PRORP: variants seen among roughly 807,000 people sequenced by gnomAD.
The protein encoded by PRORP is protein only RNase P catalytic subunit.
Under a neutral mutation model 59.4 loss-of-function variants are expected in PRORP, and 51 were observed. The ratio of observed to expected loss-of-function variants is 0.86; its 90% CI spans 0.69 to 1.08. The LOEUF (loss-of-function observed/expected upper bound fraction) is 1.08. PRORP is among the 50% of genes least tolerant of loss of function. PRORP has a pLI of 0.00. For missense variants in PRORP, 646 were observed against 690.3 expected (o/e 0.94, Z 0.72); for synonymous variants, 231 against 245.6 (o/e 0.94, Z 0.55).
intron 5 of PRORP, among the ~76,000 whole-genome samples, chr14:35,197,235 TG>T (rs1196415247): frequency 6.6e-5 from 10 of 152,194 alleles, no homozygotes; most frequent in African/African-American, 2.4e-4. Flanking sequence ...GAGTCATTAT[TG>T]TGTATATCTT....
intron 5 of PRORP, among the ~76,000 whole-genome samples, chr14:35,261,316 A>G (rs1303262776): frequency 6.6e-6 from 1 of 152,140 alleles, no homozygotes; most frequent in African/African-American, 2.4e-5. Context: ...ATAATGTCCA[A>G]GGTTTTTAGT....
Position 35,273,415 on chromosome 14 carries a change from T to G in PRORP, c.1621-20T>G. 6.3e-7 allele frequency: 1 copy of G among 1,594,350 alleles called. No individual in the cohort carries two copies. On this transcript the variant is annotated intron_variant, in intron 7 of 7. Coordinates refer to ENST00000534898, the MANE Select transcript of PRORP (RefSeq NM_014672.4). The stretch of plus-strand genomic sequence containing the variant: ...CTTTAGTGTTGTTCTCAATGTTTTG[T>G]TCTCTTTTTAATTCAACAGCGTATT...
intron 5 of PRORP, among the ~76,000 whole-genome samples, chr14:35,195,732 A>G (rs2048992709): frequency 6.6e-6 from 1 of 152,106 alleles, no homozygotes; most frequent in South Asian, 2.1e-4. Context: ...AGGTCTTTTA[A>G]TGATTCTTAG....
chr14:35,142,060 G>C (rs1296436584), intron 4 of PRORP, among the ~76,000 whole-genome samples: 2 of 144,904 alleles, frequency 1.4e-5, no homozygotes, highest in South Asian at 4.5e-4. Context: ...TGTATTTTTA[G>C]TGGAGACAGG....
chr14:35,174,704 A>G (rs1267722563), intron 4 of PRORP, among the ~76,000 whole-genome samples: 1 of 151,556 alleles, frequency 6.6e-6, no homozygotes, highest in Non-Finnish European at 1.5e-5. Flanking sequence ...CTTGGCCTAC[A>G]GAACAGGACT....
At chr14:35,269,995 C>T (rs569718835) in intron 6 of PRORP, among the ~76,000 whole-genome samples, 1 of 152,296 alleles carries the variant, frequency 6.6e-6, no homozygotes, top group South Asian at 2.1e-4. Flanking sequence ...GCAAGAAAGT[C>T]TCATCCTGCC....
chr14:35,235,297 G>A, intron 5 of PRORP: 1 of 689,534 alleles, frequency 1.5e-6, no homozygotes, highest in Non-Finnish European at 2.7e-6. Context: ...ATCTGTCATT[G>A]TAATTGGTCC....
intron 4 of PRORP, among the ~76,000 whole-genome samples, chr14:35,135,992 A>G (rs368319424): frequency 1.3e-5 from 2 of 151,600 alleles, no homozygotes; most frequent in African/African-American, 4.8e-5. Flanking sequence ...AAGCAAAAGT[A>G]TGATATGTAT....
At chr14:35,215,270 G>A (rs1345403170) in intron 5 of PRORP, among the ~76,000 whole-genome samples, 1 of 152,054 alleles carries the variant, frequency 6.6e-6, no homozygotes, top group African/African-American at 2.4e-5. Context: ...GGGTGCTGTG[G>A]TATTTCTCAG....
At chr14:35,121,959 T>C (rs1409631200), upstream of PRORP, 18 of 1,614,172 alleles carry the variant, frequency 1.1e-5, no homozygotes, top group South Asian at 3.3e-5. Flanking sequence ...TTCCAGTCCA[T>C]GGCCGACTTC....
chr14:35,146,490 C>CT (rs922620204), intron 4 of PRORP, among the ~76,000 whole-genome samples: 6 of 152,036 alleles, frequency 3.9e-5, no homozygotes, highest in Admixed American at 6.5e-5. Context: ...GAACTGAGCT[C>CT]TTTATCACAG....
intron 4 of PRORP, among the ~76,000 whole-genome samples, chr14:35,166,387 G>A (rs1403399894): frequency 6.6e-6 from 1 of 151,406 alleles, no homozygotes; most frequent in Non-Finnish European, 1.5e-5. Context: ...TCTTCTTTGA[G>A]GGATCCAGGC....
intron 5 of PRORP, among the ~76,000 whole-genome samples, chr14:35,216,654 A>G (rs1350479884): frequency 6.6e-6 from 1 of 152,124 alleles, no homozygotes; most frequent in Non-Finnish European, 1.5e-5. Context: ...TCTCTTTAGT[A>G]TATATGTAGG....
In PRORP at chr14:35,153,145, C is replaced by T. The variant is rs185173913; in HGVS notation, c.1167+25534C>T. ...AGACTCCGTCTCAATCCCGGCACCT[C>T]GGGAGGCCGAGGCTGGCGGATCACT... On this transcript the variant is annotated intron_variant, in intron 4 of 7. Coordinates refer to ENST00000534898, the MANE Select transcript of PRORP (RefSeq NM_014672.4). Among the ~76,000 whole-genome samples the T allele has an allele frequency of 3.6e-3, 547 of 152,358 alleles. 3 individuals are homozygous for T. The highest frequency in any genetic ancestry group is 3.4e-3 in the Non-Finnish European group (228 of 68,030).
intron 5 of PRORP, among the ~76,000 whole-genome samples, chr14:35,189,238 T>TTTG (rs1248495827): frequency 6.6e-6 from 1 of 152,106 alleles, no homozygotes; most frequent in African/African-American, 2.4e-5. Flanking sequence ...TTAAAGTATT[T>TTTG]TTGTTGTTGT....
At chr14:35,253,415 A>AAAG (rs2050669116) in intron 5 of PRORP, among the ~76,000 whole-genome samples, 1 of 150,992 alleles carries the variant, frequency 6.6e-6, no homozygotes, top group Non-Finnish European at 1.5e-5. Context: ...AAAGAAAGAA[A>AAAG]AAAAGAAAAG....
intron 5 of PRORP, among the ~76,000 whole-genome samples, chr14:35,221,350 A>G (rs999158886): frequency 6.6e-6 from 1 of 152,208 alleles, no homozygotes; most frequent in Non-Finnish European, 1.5e-5. Context: ...AAAGAAAGAC[A>G]TGATCAGTAT....
intron 5 of PRORP, among the ~76,000 whole-genome samples, chr14:35,210,161 A>G (rs905011443): frequency 6.6e-6 from 1 of 152,208 alleles, no homozygotes; most frequent in East Asian, 1.9e-4. Context: ...AAAAAAAAGA[A>G]CTTGGTTAAG....
intron 6 of PRORP, among the ~76,000 whole-genome samples, chr14:35,270,124 A>C (rs1470510664): frequency 6.6e-6 from 1 of 152,238 alleles, no homozygotes; most frequent in Admixed American, 6.5e-5. Context: ...AAGTGTGAAG[A>C]GAGCATTGTT....
Sources: allele counts gnomAD v4.1 joint callset (sites outside exome capture counted in the v4.1 genomes callset), GRCh38; gene constraint gnomAD v4.1.1; transcripts MANE v1.5; gene names NCBI Gene and HGNC (gene_info 2026-07-23, HGNC 2026-07-21).